LRRN1: variants seen among roughly 807,000 people sequenced by gnomAD.
The protein encoded by LRRN1 is leucine rich repeat neuronal 1.
Under a neutral mutation model 45.8 loss-of-function variants are expected in LRRN1, and 14 were observed. The ratio of observed to expected loss-of-function variants is 0.31; its 90% confidence interval spans 0.20 to 0.48. The LOEUF (loss-of-function observed/expected upper bound fraction) is 0.48. Ranked by LOEUF, LRRN1 falls within the 20% of genes least tolerant of loss-of-function variation. LRRN1 has a pLI of 0.99. For synonymous variants in LRRN1, 359 were observed against 330.1 expected (o/e 1.09, Z -0.95); for missense variants, 789 against 874.2 (o/e 0.90, Z 1.23).
intron 1 of LRRN1, among the ~76,000 whole-genome samples, chr3:3,819,202 G>A (rs9851212): frequency 2.2e-4 from 33 of 152,140 alleles, no homozygotes; most frequent in African/African-American, 7.7e-4. Context: ...TAGCAGGCTG[G>A]TCTTGAACTC....
intron 1 of LRRN1, among the ~76,000 whole-genome samples, chr3:3,814,348 C>T (rs189680770): frequency 5.5e-4 from 83 of 151,564 alleles, no homozygotes; most frequent in African/African-American, 2.0e-3. Flanking sequence ...ACCCAGTACC[C>T]CTTTCCACTT....
At chr3:3,822,445 C>T (rs1336400545) in intron 1 of LRRN1, among the ~76,000 whole-genome samples, 1 of 152,146 alleles carries the variant, frequency 6.6e-6, no homozygotes, top group Non-Finnish European at 1.5e-5. Context: ...ATCCTTGCAT[C>T]CTAAATCACT....
intron 1 of LRRN1, among the ~76,000 whole-genome samples, chr3:3,808,207 C>T (rs1223881740): frequency 3.6e-5 from 3 of 84,260 alleles, no homozygotes; most frequent in Middle Eastern, 7.0e-3. Flanking sequence ...ATTCTATCCC[C>T]AGAGCCCACC....
At chr3:3,839,100 T>C (rs7610133) in intron 1 of LRRN1, among the ~76,000 whole-genome samples, 57,711 of 151,874 alleles carry the variant, frequency 0.38, 12,659 homozygotes, top group East Asian at 0.61. Flanking sequence ...TGAAGCTTTT[T>C]CCTTATGTTT....
rs1225047940 is a variant in LRRN1, at chr3:3,821,520, T to G, written c.-279+21601T>G. Among the ~76,000 whole-genome samples, 7 of 152,154 alleles carry G rather than the reference T, an allele frequency of 4.6e-5. 1 individual carries two copies. The highest frequency in any genetic ancestry group is 1.0e-4 in the Non-Finnish European group (7 of 68,032). On this transcript the variant is annotated intron_variant, in intron 1 of 1. Transcript: ENST00000319331. ...CACTCCCCTTAAGATTAGAAGCTGT[T>G]TAAGGGCAGGGTCTGGTCTTCCTGG...
At chr3:3,824,108 T>C (rs1249583215) in intron 1 of LRRN1, among the ~76,000 whole-genome samples, 3 of 152,188 alleles carry the variant, frequency 2.0e-5, no homozygotes, top group African/African-American at 7.2e-5. Context: ...CATTCAGGCA[T>C]GGGCCCTATG....
chr3:3,807,634 C>T (rs141214762), intron 1 of LRRN1, among the ~76,000 whole-genome samples: 1 of 152,238 alleles, frequency 6.6e-6, no homozygotes, highest in Non-Finnish European at 1.5e-5. Context: ...ACTGAGAAGC[C>T]ACATGACTAC....
intron 1 of LRRN1, among the ~76,000 whole-genome samples, chr3:3,839,718 T>C (rs139589474): frequency 0.01 from 1,593 of 152,294 alleles, 13 homozygotes; most frequent in Non-Finnish European, 0.018. Context: ...GATTCATTCC[T>C]AAGCATTGTA....
chr3:3,802,745 A>T (rs11918859), intron 1 of LRRN1, among the ~76,000 whole-genome samples: 59,337 of 152,122 alleles, frequency 0.39, 13,490 homozygotes, highest in East Asian at 0.7. Context: ...ATTTGACTCT[A>T]CACGCCTGAT....
chr3:3,800,400 G>A (rs2256351), intron 1 of LRRN1, among the ~76,000 whole-genome samples: 1 of 151,350 alleles, frequency 6.6e-6, no homozygotes, highest in South Asian at 2.1e-4. Context: ...GGTGGCGGGC[G>A]ACGGGGAGAG....
intron 1 of LRRN1, among the ~76,000 whole-genome samples, chr3:3,815,684 CA>C (rs1222692379): frequency 6.6e-6 from 1 of 152,106 alleles, no homozygotes; most frequent in Non-Finnish European, 1.5e-5. Flanking sequence ...ATCTTGTTTT[CA>C]AACCATGTCT....
In LRRN1 at chr3:3,846,312, G is replaced by C; in HGVS notation, c.1671G>C (p.Ser557=). ...SNVMTSNLKW[S]SATMKIDNPH... ...TCATGACGTCAAACTTAAAATGGTCGTCTGCCACCATGAAGATTGATAACC... is the reference window on the plus strand; with the variant it reads ...TCATGACGTCAAACTTAAAATGGTCCTCTGCCACCATGAAGATTGATAACC... The change falls in exon 2 of 2, where the codon TCG becomes TCC. Residue 557 remains serine, a synonymous_variant. Transcript: ENST00000319331. This position sits in a 1 kb window ranked among gnomAD's most constrained non-coding sequence, Gnocchi z 5.7. 1 of 1,613,912 alleles carries C rather than the reference G, an allele frequency of 6.2e-7. No individual in the cohort carries two copies. Among genetic ancestry groups the C allele is most frequent in the Non-Finnish European group, 8.5e-7 (1 of 1,179,994 alleles).
In LRRN1 at chr3:3,809,074, T is replaced by G. The variant is rs144225697; in HGVS notation, c.-279+9155T>G. 1.6e-4 allele frequency among the ~76,000 whole-genome samples: 25 copies of G among 152,316 alleles called. No individual in the cohort carries two copies. In the East Asian group the frequency reaches 4.8e-3, roughly 29 times the overall value. ...ACAGGGAAAAGACAGGTAAAGTGAT[T>G]AATTTTGAAAAAATTACTGCCGATA... On this transcript the variant is annotated intron_variant, in intron 1 of 1. Transcript: ENST00000319331.
At chr3:3,807,033 G>GT (rs1412835850) in intron 1 of LRRN1, among the ~76,000 whole-genome samples, 1 of 152,204 alleles carries the variant, frequency 6.6e-6, no homozygotes, top group East Asian at 1.9e-4. Context: ...GTCCTAACAG[G>GT]TAACAAGCTG....
intron 1 of LRRN1, chr3:3,803,999 C>G (rs1426753544): frequency 6.6e-6 from 1 of 152,096 alleles, no homozygotes; most frequent in African/African-American, 2.4e-5. Flanking sequence ...TTATGGGCAC[C>G]CTGTAGAACT....
intron 1 of LRRN1, among the ~76,000 whole-genome samples, chr3:3,835,093 C>T (rs980181497): frequency 6.6e-6 from 1 of 152,080 alleles, no homozygotes; most frequent in Non-Finnish European, 1.5e-5. Context: ...TTAAGTTTAG[C>T]TATGGAAACT....
intron 1 of LRRN1, chr3:3,827,402 G>A: frequency 2.2e-6 from 1 of 456,426 alleles, no homozygotes; most frequent in Non-Finnish European, 4.4e-6. Context: ...TCAGGGACAG[G>A]AGGATCCTTC....
intron 1 of LRRN1, among the ~76,000 whole-genome samples, chr3:3,817,303 T>C (rs1357821264): frequency 6.6e-6 from 1 of 152,122 alleles, no homozygotes; most frequent in Non-Finnish European, 1.5e-5. Flanking sequence ...TCATAAAAAA[T>C]AGTTTAGAAA....
In LRRN1 at chr3:3,834,525, G is replaced by GACAT. The variant is rs750534210; in HGVS notation, c.-278-9838_-278-9837insCATA. Among the ~76,000 whole-genome samples, 34 of 27,328 alleles carry GACAT rather than the reference G, an allele frequency of 1.2e-3. 5 individuals are homozygous for GACAT. The highest frequency in any genetic ancestry group is 9.9e-3 in the East Asian group (15 of 1,522). The allele number at this position is 27,328 out of a possible 152,430, so 17.9% of individuals were successfully genotyped here. On this transcript the variant is annotated intron_variant, in intron 1 of 1. Coordinates refer to ENST00000319331, the MANE Select transcript of LRRN1 (RefSeq NM_020873.7). ...GCGTTCTCTTAGAGGGACAGAACAG[G>GACAT]ATATATATATATATATATATATATA...
Sources: gnomAD v4.1 joint callset for allele counts (sites outside exome capture counted in the v4.1 genomes callset) on GRCh38, gnomAD v4.1.1 for gene constraint, Gnocchi (gnomAD v3.1) non-coding constraint, MANE v1.5 for transcripts, NCBI Gene and HGNC (gene_info 2026-07-23, HGNC 2026-07-21) for gene names.